Variants in GALNTL6 observed in about 807,000 individuals in gnomAD.
The protein encoded by GALNTL6 is polypeptide N-acetylgalactosaminyltransferase like 6.
A neutral mutation model predicts 73.7 loss-of-function variants in GALNTL6; 46 were observed. That is an observed-to-expected ratio of 0.62 (90% CI 0.49 to 0.80). The LOEUF is 0.80. Among genes scored for constraint, GALNTL6 ranks in the 30% least tolerant of loss-of-function variants. The pLI is 0.00. For synonymous variants in GALNTL6, 259 were observed against 263.7 expected (o/e 0.98, Z 0.17); for missense variants, 604 against 755.0 (o/e 0.80, Z 2.34).
chr4:172,617,812 G>A (rs62328836), intron 5 of GALNTL6, among the ~76,000 whole-genome samples: 20,958 of 151,996 alleles, frequency 0.14, 1,695 homozygotes, highest in East Asian at 0.25. Context: ...CTCCAAAGTG[G>A]GTGTAACCTT....
intron 7 of GALNTL6, among the ~76,000 whole-genome samples, chr4:172,881,796 A>G (rs1202340100): frequency 6.6e-6 from 1 of 152,172 alleles, no homozygotes; most frequent in African/African-American, 2.4e-5. Context: ...CCATTTGTAT[A>G]TAGTTATCTC....
intron 5 of GALNTL6, chr4:172,668,525 A>T (rs552662700): frequency 6.6e-6 from 1 of 152,226 alleles, no homozygotes; most frequent in South Asian, 2.1e-4. Flanking sequence ...GTCCTTTCAT[A>T]ATTATTATAA....
At chr4:172,154,578 G>C (rs1734198734) in intron 2 of GALNTL6, among the ~76,000 whole-genome samples, 1 of 152,108 alleles carries the variant, frequency 6.6e-6, no homozygotes, top group South Asian at 2.1e-4. Context: ...ATGATGACTT[G>C]CTCATTTGTG....
intron 3 of GALNTL6, among the ~76,000 whole-genome samples, chr4:172,263,316 A>G (rs2111040009): frequency 6.6e-6 from 1 of 151,268 alleles, no homozygotes; most frequent in East Asian, 1.9e-4. Context: ...TTTACTTTTT[A>G]AAATTTATTT....
intron 2 of GALNTL6, among the ~76,000 whole-genome samples, chr4:172,203,984 G>A (rs2110908205): frequency 6.6e-6 from 1 of 152,162 alleles, no homozygotes; most frequent in Non-Finnish European, 1.5e-5. Context: ...GACCTCAGGT[G>A]ATCTGCCCAC....
intron 7 of GALNTL6, among the ~76,000 whole-genome samples, chr4:172,863,242 C>T (rs1004371435): frequency 1.3e-5 from 2 of 152,214 alleles, no homozygotes; most frequent in African/African-American, 4.8e-5. Flanking sequence ...CACTGGGGCA[C>T]TACCTAGTGG....
intron 2 of GALNTL6, among the ~76,000 whole-genome samples, chr4:171,873,517 C>T (rs1736192354): frequency 6.6e-6 from 1 of 152,166 alleles, no homozygotes; most frequent in South Asian, 2.1e-4. Flanking sequence ...GCTCAGAATC[C>T]TGCCTAGTGT....
chr4:172,385,499 T>A (rs2111291945), intron 5 of GALNTL6, among the ~76,000 whole-genome samples: 1 of 152,252 alleles, frequency 6.6e-6, no homozygotes, highest in East Asian at 1.9e-4. Context: ...TATTGCTGAA[T>A]AATTGACCCT....
At chr4:172,164,427 A>T (rs528829190) in intron 2 of GALNTL6, among the ~76,000 whole-genome samples, 72 of 152,030 alleles carry the variant, frequency 4.7e-4, no homozygotes, top group East Asian at 7.7e-4. Flanking sequence ...TGGATTTTTT[A>T]AAAAAAGTGT....
intron 5 of GALNTL6, among the ~76,000 whole-genome samples, chr4:172,497,339 AGCATATGCTTATT>A (rs1335165785): frequency 5.9e-5 from 9 of 152,220 alleles, no homozygotes; most frequent in Non-Finnish European, 1.3e-4. Context: ...TATAATGATA[AGCATATGCTTATT>A]ATGTTCTTAT....
intron 5 of GALNTL6, among the ~76,000 whole-genome samples, chr4:172,640,104 A>T (rs1257779543): frequency 6.6e-6 from 1 of 152,074 alleles, no homozygotes; most frequent in Non-Finnish European, 1.5e-5. Flanking sequence ...AATCTATTTC[A>T]TTCAGATATT....
intron 2 of GALNTL6, among the ~76,000 whole-genome samples, chr4:172,039,195 T>G (rs116479351): frequency 2.0e-5 from 3 of 152,198 alleles, no homozygotes; most frequent in African/African-American, 7.2e-5. Flanking sequence ...GAGTGTTGAC[T>G]TTTTTGTTTG....
chr4:172,438,468 A>G (rs1305862492), intron 5 of GALNTL6, among the ~76,000 whole-genome samples: 3 of 151,916 alleles, frequency 2.0e-5, no homozygotes, highest in Admixed American at 6.6e-5. Context: ...CTTATCTCCA[A>G]TCATGTCCCC....
chr4:171,922,283 T>C (rs1345850045), intron 2 of GALNTL6, among the ~76,000 whole-genome samples: 6 of 152,104 alleles, frequency 3.9e-5, no homozygotes, highest in African/African-American at 1.2e-4. Context: ...ACATACCTAA[T>C]ACTAAGAATA....
chr4:172,793,308 A>G (rs185115990), intron 5 of GALNTL6, among the ~76,000 whole-genome samples: 7 of 152,306 alleles, frequency 4.6e-5, no homozygotes, highest in Non-Finnish European at 1.0e-4. Context: ...ATCTAGCACA[A>G]GTTTTCAGAG....
At chr4:172,571,199 G>A (rs967300241) in intron 5 of GALNTL6, among the ~76,000 whole-genome samples, 2 of 152,124 alleles carry the variant, frequency 1.3e-5, no homozygotes, top group Non-Finnish European at 2.9e-5. Flanking sequence ...ATCAATAATA[G>A]AACAAGAATA....
chr4:172,296,036 A>T, intron 3 of GALNTL6, among the ~76,000 whole-genome samples: 1 of 152,128 alleles, frequency 6.6e-6, no homozygotes. Context: ...GATGCTTGAC[A>T]TTATTATGTT....
intron 5 of GALNTL6, among the ~76,000 whole-genome samples, chr4:172,762,801 A>G (rs79983134): frequency 1.5e-5 from 2 of 135,064 alleles, no homozygotes; most frequent in East Asian, 4.5e-4. Context: ...AAAAAAAAAA[A>G]CCCAGTGAAA....
intron 5 of GALNTL6, among the ~76,000 whole-genome samples, chr4:172,582,747 GACACACACAC>G (rs35246163): frequency 2.1e-3 from 299 of 142,840 alleles, no homozygotes; most frequent in African/African-American, 4.1e-3. Context: ...CACACACACA[GACACACACAC>G]ACACACACAC....
Sources: gnomAD v4.1 joint callset for allele counts (sites outside exome capture counted in the v4.1 genomes callset) on GRCh38, gnomAD v4.1.1 for gene constraint, MANE v1.5 for transcripts, NCBI Gene and HGNC (gene_info 2026-07-23, HGNC 2026-07-21) for gene names.